The following GAD2 variants were observed in gnomAD, a reference collection of about 807,000 sequenced individuals.
The protein encoded by GAD2 is 65 kDa glutamic acid decarboxylase.
GAD2 carries 22 observed loss-of-function variants against 80.1 expected under a neutral mutation model. The observed-to-expected ratio is 0.27, with a 90% CI of 0.20 to 0.39. The LOEUF is 0.39. Among genes scored for constraint, GAD2 ranks in the 10% least tolerant of loss-of-function variants. The pLI is 1.00. For synonymous variants in GAD2, 274 were observed against 256.9 expected (o/e 1.07, Z -0.64); for missense variants, 624 against 738.4 (o/e 0.85, Z 1.80).
intron 8 of GAD2, among the ~76,000 whole-genome samples, chr10:26,252,657 C>T (rs570928445): frequency 6.9e-6 from 1 of 144,360 alleles, no homozygotes. Flanking sequence ...GACCCGGTAC[C>T]CCTTCTTTTT....
chr10:26,241,217 C>T (rs1485630253), intron 7 of GAD2, among the ~76,000 whole-genome samples: 3 of 152,144 alleles, frequency 2.0e-5, no homozygotes, highest in Non-Finnish European at 4.4e-5. Context: ...TGTAATTTTT[C>T]GCAAATCCAG....
intron 6 of GAD2, among the ~76,000 whole-genome samples, chr10:26,228,685 C>T (rs993545381): frequency 6.6e-6 from 1 of 152,154 alleles, no homozygotes; most frequent in African/African-American, 2.4e-5. Context: ...GGAGCGTGAA[C>T]CCTATTGTGA....
At chr10:26,220,274 A>G (rs1205596477) in intron 4 of GAD2, among the ~76,000 whole-genome samples, 1 of 152,232 alleles carries the variant, frequency 6.6e-6, no homozygotes, top group African/African-American at 2.4e-5. Flanking sequence ...TTGCTAGCAA[A>G]TAAAAAATGT....
chr10:26,247,294 C>A (rs999493762), intron 8 of GAD2, among the ~76,000 whole-genome samples: 2 of 152,080 alleles, frequency 1.3e-5, no homozygotes, highest in Non-Finnish European at 2.9e-5. Flanking sequence ...AGGAGGATGA[C>A]CAGAAGTCAC....
rs780401477 is a variant in GAD2, at chr10:26,219,266, A to C, written c.510A>C (p.Ala170=). The C allele has an allele frequency of 3.1e-6, 5 of 1,597,192 alleles. No individual in the cohort carries two copies. In the East Asian group the frequency reaches 6.7e-5, roughly 21 times the overall value. Residue 170 remains alanine (A), a synonymous_variant, in exon 4 of 16, where the codon GCA becomes GCC. Coordinates refer to ENST00000376261, the MANE Select transcript of GAD2 (RefSeq NM_001134366.2). ...ATTGCCAAACAACTCTAAAATATGCAATTAAAACAGGTATTGTCTCATCGA... is the reference window on the plus strand; with the variant it reads ...ATTGCCAAACAACTCTAAAATATGCCATTAAAACAGGTATTGTCTCATCGA... ...LMHCQTTLKY[A]IKTGHPRYFN...
intron 7 of GAD2, among the ~76,000 whole-genome samples, chr10:26,243,011 G>A (rs149441405): frequency 1.3e-5 from 2 of 151,642 alleles, no homozygotes; most frequent in African/African-American, 4.9e-5. Flanking sequence ...TCTCTTTGGG[G>A]TCGCCCAGGG....
At chr10:26,295,132 T>G (rs548757719) in intron 15 of GAD2, among the ~76,000 whole-genome samples, 31 of 152,268 alleles carry the variant, frequency 2.0e-4, no homozygotes, top group African/African-American at 7.2e-4. Context: ...AGGCTCCCCC[T>G]TTTAAATATC....
intron 4 of GAD2, among the ~76,000 whole-genome samples, chr10:26,221,645 C>G (rs1475439086): frequency 6.6e-6 from 1 of 152,214 alleles, no homozygotes; most frequent in Non-Finnish European, 1.5e-5. Flanking sequence ...CCCAACTGAT[C>G]ATGAGCACAG....
intron 8 of GAD2, among the ~76,000 whole-genome samples, chr10:26,263,660 A>G (rs1471033012): frequency 1.3e-5 from 2 of 152,230 alleles, no homozygotes; most frequent in Non-Finnish European, 2.9e-5. Context: ...TCTTGATAGG[A>G]TAGTTTTGCC....
chr10:26,263,927 G>A (rs1352942132), intron 8 of GAD2, among the ~76,000 whole-genome samples: 2 of 152,118 alleles, frequency 1.3e-5, no homozygotes, highest in Admixed American at 1.3e-4. Context: ...AACCTGAAAA[G>A]TTTTTTTGTT....
At position 26,217,904 on chromosome 10, in the gene GAD2, G is replaced by A; in HGVS notation, c.199G>A (p.Ala67Thr). Residue 67 changes from alanine to threonine, a missense_variant, in exon 3 of 16, where the codon GCC (alanine) becomes ACC (threonine). By Grantham distance (58) the Ala-to-Thr change is moderately conservative (BLOSUM62 0). Coordinates refer to ENST00000376261, the MANE Select transcript of GAD2 (RefSeq NM_001134366.2). The surrounding 1 kb of genome is among the most constrained non-coding windows in gnomAD (Gnocchi z 4.9). Reference sequence around the variant, plus strand: ...CGGCGGGAGCCAACCCCCGCGGGCCGCCGCCCGGAAGGCCGCCTGCGCCTG... The same window carrying A: ...CGGCGGGAGCCAACCCCCGCGGGCCACCGCCCGGAAGGCCGCCTGCGCCTG... ...ESGGSQPPRAAARKAACACDQ... is the reference protein window; with the variant it reads ...ESGGSQPPRATARKAACACDQ... 7 of 1,609,222 alleles carry A rather than the reference G, an allele frequency of 4.3e-6. No homozygotes were observed. Among genetic ancestry groups the A allele is most frequent in the Non-Finnish European group, 5.9e-6 (7 of 1,178,108 alleles).
intron 9 of GAD2, among the ~76,000 whole-genome samples, chr10:26,270,276 C>T (rs1361117189): frequency 6.6e-6 from 1 of 152,024 alleles, no homozygotes; most frequent in Non-Finnish European, 1.5e-5. Context: ...TCAGAGGCCT[C>T]GTTGTGAATA....
At chr10:26,252,665 T>C (rs990374401) in intron 8 of GAD2, among the ~76,000 whole-genome samples, 2 of 151,372 alleles carry the variant, frequency 1.3e-5, no homozygotes, top group East Asian at 3.9e-4. Context: ...ACCCCTTCTT[T>C]TTTTTTTGAG....
At chr10:26,244,573 A>T (rs993446765) in intron 7 of GAD2, among the ~76,000 whole-genome samples, 1 of 152,168 alleles carries the variant, frequency 6.6e-6, no homozygotes, top group South Asian at 2.1e-4. Flanking sequence ...AAATTCTCAC[A>T]CATGCTACAA....
Position 26,281,602 on chromosome 10 carries a change from T to C in GAD2, c.1236+515T>C, listed in dbSNP as rs551536745. Among the ~76,000 whole-genome samples the C allele has an allele frequency of 2.6e-5, 4 of 152,306 alleles. No homozygotes were observed. The South Asian group carries it at 8.3e-4, about 32-fold the overall frequency. ...GATTACAGTCTATCTATTTAATATT[T>C]AAAGCCATGTTCAAAGTGTAAGGAA... On this transcript the variant is annotated intron_variant, in intron 12 of 15. Transcript: ENST00000376261.
chr10:26,243,539 C>T (rs1844768806), intron 7 of GAD2, among the ~76,000 whole-genome samples: 1 of 152,168 alleles, frequency 6.6e-6, no homozygotes, highest in Admixed American at 6.6e-5. Flanking sequence ...CTTAGGTTAG[C>T]CTTTCTCAGC....
chr10:26,279,114 T>TAG (rs906456758), intron 11 of GAD2, among the ~76,000 whole-genome samples: 1 of 151,942 alleles, frequency 6.6e-6, no homozygotes, highest in African/African-American at 2.4e-5. Context: ...GAGACAAGCG[T>TAG]AGAGGCTCAC....
chr10:26,278,491 G>T (rs1375747676), intron 11 of GAD2, among the ~76,000 whole-genome samples: 8 of 152,184 alleles, frequency 5.3e-5, no homozygotes, highest in Non-Finnish European at 2.9e-5. Context: ...CTTGCTCAAA[G>T]TCACACAGCC....
At chr10:26,228,626 G>A (rs749592213) in intron 6 of GAD2, among the ~76,000 whole-genome samples, 16 of 152,254 alleles carry the variant, frequency 1.1e-4, no homozygotes, top group Non-Finnish European at 1.9e-4. Context: ...GAGCATTACC[G>A]CCTTAGCTCT....
Sources: allele counts gnomAD v4.1 joint callset (sites outside exome capture counted in the v4.1 genomes callset), GRCh38; gene constraint gnomAD v4.1.1; non-coding constraint Gnocchi (gnomAD v3.1); transcripts MANE v1.5; gene names NCBI Gene and HGNC (gene_info 2026-07-23, HGNC 2026-07-21).